Variants in NUP160 observed in about 807,000 individuals in gnomAD.
The protein encoded by NUP160 is nuclear pore complex protein Nup160.
NUP160 carries 94 observed loss-of-function variants against 196.9 expected under a neutral mutation model. The observed-to-expected ratio is 0.48, with a 90% CI of 0.40 to 0.57. The LOEUF (loss-of-function observed/expected upper bound fraction) is 0.57, where lower values mean the gene tolerates loss of function less well. NUP160 is among the 20% of genes least tolerant of loss of function. The probability of loss-of-function intolerance (pLI) is 0.00; values close to 1 mark genes in which losing one functional copy is unlikely to be tolerated. For missense variants in NUP160, 1,638 were observed against 1,748.3 expected (o/e 0.94, Z 1.13); for synonymous variants, 605 against 619.7 (o/e 0.98, Z 0.35).
chr11:47,797,316 C>T (rs557087081), intron 27 of NUP160, among the ~76,000 whole-genome samples: 19 of 152,174 alleles, frequency 1.2e-4, no homozygotes, highest in South Asian at 1.2e-3. Flanking sequence ...CTGTAACCTC[C>T]GCCCCCCGCC....
intron 27 of NUP160, 110 bp downstream of exon 27, chr11:47,797,669 G>A (rs1432742931): frequency 1.8e-5 from 13 of 724,426 alleles, no homozygotes; most frequent in Non-Finnish European, 3.2e-5. Flanking sequence ...AGCTAATCTT[G>A]TACTTAAACA....
intron 4 of NUP160, among the ~76,000 whole-genome samples, chr11:47,838,631 C>CT (rs1852227838): frequency 7.0e-6 from 1 of 141,950 alleles, no homozygotes; most frequent in African/African-American, 2.7e-5. Context: ...TCACTTGAAC[C>CT]TGGGGGGGGC....
At chr11:47,808,559 A>G in intron 17 of NUP160, 30 bp from the exon 18 acceptor site, 2 of 1,595,218 alleles carry the variant, frequency 1.3e-6, no homozygotes, top group African/African-American at 1.3e-5. Flanking sequence ...GGACCAGACA[A>G]GAAATTATAG....
At chr11:47,833,191 C>T (rs551029205) in intron 7 of NUP160, among the ~76,000 whole-genome samples, 2 of 152,266 alleles carry the variant, frequency 1.3e-5, no homozygotes, top group East Asian at 3.9e-4. Flanking sequence ...TGGTGGCTCA[C>T]ACCTGTAATC....
chr11:47,829,605 C>T (rs1852036017), intron 7 of NUP160, among the ~76,000 whole-genome samples: 1 of 152,142 alleles, frequency 6.6e-6, no homozygotes, highest in Non-Finnish European at 1.5e-5. Context: ...CCGCACTGGC[C>T]TGTTTACAGA....
chr11:47,848,359 G>A lies in NUP160; in HGVS notation c.62C>T (p.Pro21Leu), dbSNP rs373937238. ...GCGACGCCCAACGGAACAAAGGCAGGGCCGCGCGGTCGCCGTCACTTCCGG... is the reference window on the plus strand; with the variant it reads ...GCGACGCCCAACGGAACAAAGGCAGAGCCGCGCGGTCGCCGTCACTTCCGG... The change falls in exon 1 of 36, where the codon CCC becomes CTC. Residue 21 changes from proline to leucine, a missense_variant. Physicochemically the swap from Pro to Leu is moderately conservative, Grantham distance 98 (BLOSUM62 -3). Coordinates refer to ENST00000378460, the Ensembl canonical transcript of NUP160. 1.3e-5 allele frequency: 21 copies of A among 1,611,738 alleles called. No homozygotes were observed. In the South Asian group the frequency reaches 1.4e-4, roughly 11 times the overall value.
At position 47,803,628 on chromosome 11, in the gene NUP160, GAC is replaced by G. The variant is rs1273211906; in HGVS notation, c.2677-94_2677-93del. ...AGTTATTCGTCACAGAGGATGAAAA[GAC>G]AGTGTTTGAACAAATGTTTTATTTC... On this transcript the variant is annotated intron_variant, in intron 21 of 35. Transcript: ENST00000378460. 5.3e-6 allele frequency: 4 copies of G among 751,210 alleles called. No homozygotes were observed. The Admixed American group carries it at 7.9e-5, about 15-fold the overall frequency. 46.5% of individuals were successfully genotyped at this position (751,210 alleles called of 1,614,324 possible).
exon 7 of NUP160, chr11:47,835,678 T>A (rs1599345334): frequency 6.3e-7 from 1 of 1,596,196 alleles, no homozygotes; most frequent in East Asian, 2.3e-5. Context: ...CATGCATGTA[T>A]ATCCCCAGGT....
At chr11:47,783,131 A>C in exon 34 of NUP160, 1 of 1,614,040 alleles carries the variant, frequency 6.2e-7, no homozygotes, top group Non-Finnish European at 8.5e-7. Context: ...TTCTGACACC[A>C]AATCCACAGC....
intron 13 of NUP160, among the ~76,000 whole-genome samples, chr11:47,814,070 CAAAAAAAAAAAA>C (rs5791787): frequency 1.3e-4 from 5 of 39,864 alleles, no homozygotes; most frequent in African/African-American, 1.6e-4. Context: ...GACTCTGTCT[CAAAAAAAAAAAA>C]AAAAAAAAAA....
intron 4 of NUP160, 94 bp from the exon 5 acceptor site, chr11:47,837,717 C>T: frequency 2.3e-6 from 2 of 866,616 alleles, no homozygotes; most frequent in South Asian, 1.4e-5. Context: ...TAATAGGCAA[C>T]AGACTTCCGT....
At chr11:47,779,719 C>T (rs2097659552) in intron 35 of NUP160, 2 of 391,830 alleles carry the variant, frequency 5.1e-6, no homozygotes, top group Admixed American at 3.1e-5. Flanking sequence ...ATTTATCACA[C>T]TGTATTTCTT....
chr11:47,808,051 G>A (rs982062625), intron 18 of NUP160, among the ~76,000 whole-genome samples: 1 of 152,146 alleles, frequency 6.6e-6, no homozygotes, highest in Non-Finnish European at 1.5e-5. Flanking sequence ...GGGAGGCCAA[G>A]GCAGGCAAAT....
At chr11:47,808,815 A>C (rs2135371171) in intron 17 of NUP160, among the ~76,000 whole-genome samples, 1 of 152,206 alleles carries the variant, frequency 6.6e-6, no homozygotes, top group South Asian at 2.1e-4. Context: ...GAATTAAAGA[A>C]GAGGGCCAGG....
intron 27 of NUP160, chr11:47,796,176 A>T: frequency 4.0e-6 from 1 of 249,248 alleles, no homozygotes; most frequent in Non-Finnish European, 7.5e-6. Flanking sequence ...AAAAAAAAGG[A>T]GCAGCTGCGG....
At chr11:47,824,532 C>A (rs58023759) in intron 7 of NUP160, among the ~76,000 whole-genome samples, 1 of 152,006 alleles carries the variant, frequency 6.6e-6, no homozygotes, top group Non-Finnish European at 1.5e-5. Context: ...ATGGTGTGAA[C>A]CCGGGAGGCG....
exon 7 of NUP160, chr11:47,835,651 C>G: frequency 6.4e-7 from 1 of 1,571,928 alleles, no homozygotes; most frequent in South Asian, 1.2e-5. Context: ...TGTTTCATAC[C>G]TGTCCTCGTT....
chr11:47,800,206 A>G (rs1423967453), intron 23 of NUP160, among the ~76,000 whole-genome samples: 3 of 150,866 alleles, frequency 2.0e-5, no homozygotes, highest in Non-Finnish European at 4.4e-5. Flanking sequence ...GTGAGCCCAG[A>G]TCGCACTACT....
exon 27 of NUP160, chr11:47,797,792 G>A: frequency 1.2e-6 from 2 of 1,611,642 alleles, no homozygotes; most frequent in African/African-American, 1.3e-5. Context: ...TGCGGTAATT[G>A]TGGCGATAGA....
Sources: gnomAD v4.1 joint callset for allele counts (sites outside exome capture counted in the v4.1 genomes callset) on GRCh38, gnomAD v4.1.1 for gene constraint, MANE v1.5 for transcripts, NCBI Gene and HGNC (gene_info 2026-07-23, HGNC 2026-07-21) for gene names.